The following PPM1E variants were observed in gnomAD, a reference collection of about 807,000 sequenced individuals.
PPM1E encodes the protein protein phosphatase 1E.
A neutral mutation model predicts 65.9 loss-of-function variants in PPM1E; 20 were observed. The observed-to-expected ratio is 0.30, with a 90% CI of 0.21 to 0.44. PPM1E has a LOEUF of 0.44. PPM1E is among the 20% of genes least tolerant of loss of function. The pLI, the probability that PPM1E is intolerant of heterozygous loss-of-function variation, is 1.00. For missense variants in PPM1E, 713 were observed against 953.1 expected, an observed-to-expected ratio of 0.75 and a Z score of 3.32; for synonymous variants, 352 against 374.9, an observed-to-expected ratio of 0.94 and a Z score of 0.70.
intron 1 of PPM1E, among the ~76,000 whole-genome samples, chr17:58,804,112 G>A (rs2050283560): frequency 6.6e-6 from 1 of 152,056 alleles, no homozygotes; most frequent in Non-Finnish European, 1.5e-5. Flanking sequence ...ATATTTTGAA[G>A]AGACTGGGTC....
At chr17:58,795,064 G>GTAC (rs2050193297) in intron 1 of PPM1E, among the ~76,000 whole-genome samples, 1 of 151,708 alleles carries the variant, frequency 6.6e-6, no homozygotes, top group Admixed American at 6.6e-5. Flanking sequence ...AATTTTCTTT[G>GTAC]TATCTACAGT....
At chr17:58,811,495 T>G (rs1019911458) in intron 1 of PPM1E, among the ~76,000 whole-genome samples, 4 of 152,170 alleles carry the variant, frequency 2.6e-5, no homozygotes, top group Non-Finnish European at 5.9e-5. Context: ...TATTAATTTG[T>G]ATGCATTGCG....
chr17:58,763,831 T>A (rs185507913), intron 1 of PPM1E, among the ~76,000 whole-genome samples: 16 of 152,214 alleles, frequency 1.1e-4, no homozygotes, highest in African/African-American at 3.9e-4. Context: ...CTGAATATGA[T>A]CTTGATTTAG....
At chr17:58,821,211 C>T (rs890819243) in intron 1 of PPM1E, among the ~76,000 whole-genome samples, 1 of 151,960 alleles carries the variant, frequency 6.6e-6, no homozygotes, top group African/African-American at 2.4e-5. Context: ...CCCGGGTTCA[C>T]GCCATTCTCC....
intron 1 of PPM1E, among the ~76,000 whole-genome samples, chr17:58,787,905 TA>T (rs1284840531): frequency 1.5e-3 from 177 of 114,382 alleles, no homozygotes; most frequent in Middle Eastern, 9.6e-3. Context: ...AGACTCTGTC[TA>T]AAAAAAAAAA....
At chr17:58,764,320 A>G (rs1023202226) in intron 1 of PPM1E, among the ~76,000 whole-genome samples, 4 of 152,208 alleles carry the variant, frequency 2.6e-5, no homozygotes, top group Admixed American at 1.3e-4. Flanking sequence ...TCTGTAACAC[A>G]TATCTAACCA....
At chr17:58,774,688 TG>T (rs2049976328) in intron 1 of PPM1E, among the ~76,000 whole-genome samples, 1 of 152,178 alleles carries the variant, frequency 6.6e-6, no homozygotes, top group Non-Finnish European at 1.5e-5. Flanking sequence ...CACATTATAT[TG>T]TTATGTTTAT....
chr17:58,795,584 G>A (rs1223723271), intron 1 of PPM1E, among the ~76,000 whole-genome samples: 1 of 151,952 alleles, frequency 6.6e-6, no homozygotes, highest in Non-Finnish European at 1.5e-5. Context: ...CACGCCTGTG[G>A]TCCCAGATAC....
intron 2 of PPM1E, among the ~76,000 whole-genome samples, chr17:58,964,770 G>A (rs2030159921): frequency 6.6e-6 from 1 of 152,156 alleles, no homozygotes; most frequent in Non-Finnish European, 1.5e-5. Flanking sequence ...CAGGCCGGGT[G>A]CGGTGGCTCA....
intron 1 of PPM1E, among the ~76,000 whole-genome samples, chr17:58,923,208 C>A (rs546075413): frequency 1.3e-5 from 2 of 150,422 alleles, no homozygotes; most frequent in South Asian, 2.1e-4. Context: ...TCACTTGAGC[C>A]CAGGAGGCAG....
At chr17:58,830,719 T>C (rs549606203) in intron 1 of PPM1E, among the ~76,000 whole-genome samples, 1 of 152,202 alleles carries the variant, frequency 6.6e-6, no homozygotes, top group South Asian at 2.1e-4. Flanking sequence ...GGAGTCTCAC[T>C]CTGTTGCCCA....
At chr17:58,894,211 T>A (rs952643439) in intron 1 of PPM1E, among the ~76,000 whole-genome samples, 5 of 152,116 alleles carry the variant, frequency 3.3e-5, no homozygotes, top group Non-Finnish European at 5.9e-5. Context: ...AACCTCCAGC[T>A]CCTGGGTTCA....
At chr17:58,885,186 A>T (rs1193988836) in intron 1 of PPM1E, among the ~76,000 whole-genome samples, 1 of 152,068 alleles carries the variant, frequency 6.6e-6, no homozygotes, top group Non-Finnish European at 1.5e-5. Context: ...CCTCCTGAGT[A>T]GCTGGGATTA....
chr17:58,778,339 A>T (rs923220757), intron 1 of PPM1E, among the ~76,000 whole-genome samples: 1 of 148,140 alleles, frequency 6.8e-6, no homozygotes. Flanking sequence ...ACCTCAGGTG[A>T]TCCACCTGCC....
intron 4 of PPM1E, among the ~76,000 whole-genome samples, chr17:58,971,675 C>T (rs1323787689): frequency 6.6e-6 from 1 of 152,144 alleles, no homozygotes; most frequent in Non-Finnish European, 1.5e-5. Context: ...TTTTATATAT[C>T]ATTTTATACA....
At chr17:58,893,799 T>C (rs1438069669) in intron 1 of PPM1E, among the ~76,000 whole-genome samples, 1 of 152,092 alleles carries the variant, frequency 6.6e-6, no homozygotes, top group Non-Finnish European at 1.5e-5. Flanking sequence ...TGGCCAGGCA[T>C]GATGGCTCAT....
At chr17:58,762,830 G>A (rs1245852498) in intron 1 of PPM1E, among the ~76,000 whole-genome samples, 1 of 150,584 alleles carries the variant, frequency 6.6e-6, no homozygotes, top group Non-Finnish European at 1.5e-5. Context: ...CCCGGGAGGC[G>A]GAGCTTGCAG....
At chr17:58,857,495 C>T (rs1322412076) in intron 1 of PPM1E, among the ~76,000 whole-genome samples, 1 of 151,990 alleles carries the variant, frequency 6.6e-6, no homozygotes, top group Non-Finnish European at 1.5e-5. Flanking sequence ...TTCAGTTTCT[C>T]TATCTGTAAG....
At chr17:58,785,477 TATATATATATATAG>T (rs1257483384) in intron 1 of PPM1E, 34 of 106,460 alleles carry the variant, frequency 3.2e-4, no homozygotes, top group African/African-American at 9.5e-4. Flanking sequence ...TATATATATA[TATATATATATATAG>T]TAGAACCAGG....
Sources: gnomAD v4.1 joint callset for allele counts (sites outside exome capture counted in the v4.1 genomes callset) on GRCh38, gnomAD v4.1.1 for gene constraint, MANE v1.5 for transcripts, NCBI Gene and HGNC (gene_info 2026-07-23, HGNC 2026-07-21) for gene names.